The following ANKRD6 variants were observed in gnomAD, a reference collection of about 807,000 sequenced individuals.
ANKRD6 encodes ankyrin repeat domain-containing protein 6.
In ANKRD6, 56 loss-of-function variants were observed where a neutral mutation model predicts 82.3. That is an observed-to-expected ratio of 0.68 (90% CI 0.55 to 0.85). The LOEUF is 0.85. ANKRD6 is among the 40% of genes least tolerant of loss of function. The pLI, the probability that ANKRD6 is intolerant of heterozygous loss-of-function variation, is 0.00. For synonymous variants in ANKRD6, 347 were observed against 352.1 expected (o/e 0.99, Z 0.16); for missense variants, 852 against 907.6 (o/e 0.94, Z 0.79).
chr6:89,568,923 A>G (rs938844289), intron 2 of ANKRD6, among the ~76,000 whole-genome samples: 3 of 144,012 alleles, frequency 2.1e-5, no homozygotes, highest in Admixed American at 6.9e-5. Flanking sequence ...AAAATTTTAT[A>G]TATATATAAT....
intron 1 of ANKRD6, among the ~76,000 whole-genome samples, chr6:89,459,894 T>C (rs1340507116): frequency 6.6e-6 from 1 of 152,110 alleles, no homozygotes; most frequent in Non-Finnish European, 1.5e-5. Flanking sequence ...GCTTAATTAT[T>C]ATGGACAAAG....
intron 1 of ANKRD6, among the ~76,000 whole-genome samples, chr6:89,488,900 A>G (rs189107480): frequency 6.6e-6 from 1 of 151,678 alleles, no homozygotes; most frequent in South Asian, 2.1e-4. Flanking sequence ...ATTCTATTCT[A>G]TTCTATTCTA....
chr6:89,481,697 C>T (rs1776830422), intron 1 of ANKRD6, among the ~76,000 whole-genome samples: 1 of 135,536 alleles, frequency 7.4e-6, no homozygotes, highest in South Asian at 2.3e-4. Context: ...GTGCTGCTTG[C>T]AGTAGTGGTA....
At chr6:89,544,473 T>TG (rs1167621884) in intron 1 of ANKRD6, among the ~76,000 whole-genome samples, 1 of 151,266 alleles carries the variant, frequency 6.6e-6, no homozygotes, top group South Asian at 2.1e-4. Context: ...CCCAGCACTT[T>TG]GGAGGCCAAG....
chr6:89,622,340 G>A (rs1416526005), intron 10 of ANKRD6, among the ~76,000 whole-genome samples: 1 of 152,194 alleles, frequency 6.6e-6, no homozygotes, highest in Non-Finnish European at 1.5e-5. Context: ...CTAACACCAT[G>A]CCCAGATTGT....
In ANKRD6 at chr6:89,496,914, A is replaced by G. The variant is rs961502906; in HGVS notation, c.-144+63539A>G. ...AACACTCACCTTTATTGTTTAATAG[A>G]GCATCTGAGAATATTGATGAAAAAT... On this transcript the variant is annotated intron_variant, in intron 1 of 15. Coordinates refer to ENST00000339746, the MANE Select transcript of ANKRD6 (RefSeq NM_001242809.2). Among the ~76,000 whole-genome samples, 54 of 152,208 alleles carry G rather than the reference A, an allele frequency of 3.5e-4. 1 individual carries two copies. Among genetic ancestry groups the G allele is most frequent in the African/African-American group, 1.3e-3 (53 of 41,454 alleles).
At chr6:89,517,309 C>T (rs1045744911) in intron 1 of ANKRD6, among the ~76,000 whole-genome samples, 7 of 152,128 alleles carry the variant, frequency 4.6e-5, no homozygotes, top group Non-Finnish European at 8.8e-5. Context: ...TGCATTGTTT[C>T]TAGATTTTAA....
At chr6:89,551,701 A>G (rs1361954180) in intron 1 of ANKRD6, among the ~76,000 whole-genome samples, 1 of 152,152 alleles carries the variant, frequency 6.6e-6, no homozygotes, top group Non-Finnish European at 1.5e-5. Context: ...GGGACTATTC[A>G]CAGAAGAGTC....
At chr6:89,531,368 A>C (rs1426620154) in intron 1 of ANKRD6, among the ~76,000 whole-genome samples, 2 of 152,246 alleles carry the variant, frequency 1.3e-5, no homozygotes. Context: ...TCCTTGAAGG[A>C]AGTTTATAGA....
intron 1 of ANKRD6, among the ~76,000 whole-genome samples, chr6:89,554,442 A>T (rs1583249378): frequency 3.8e-5 from 1 of 26,284 alleles, no homozygotes; most frequent in East Asian, 1.5e-3. Context: ...TAACTTAATC[A>T]CGTCTTTTTT....
intron 1 of ANKRD6, among the ~76,000 whole-genome samples, chr6:89,529,661 A>G (rs902624724): frequency 3.9e-5 from 6 of 152,220 alleles, no homozygotes; most frequent in Admixed American, 3.9e-4. Flanking sequence ...TTCATTAAGT[A>G]TAATCATTTC....
At chr6:89,621,811 A>T (rs1286192634) in intron 9 of ANKRD6, 111 bp from the exon 10 acceptor site, 1 of 1,045,078 alleles carries the variant, frequency 9.6e-7, no homozygotes, top group Non-Finnish European at 1.5e-6. Context: ...ACCTGCTCTC[A>T]CCCTCTAAGC....
intron 1 of ANKRD6, among the ~76,000 whole-genome samples, chr6:89,495,027 G>A (rs1778433629): frequency 6.6e-6 from 1 of 152,150 alleles, no homozygotes; most frequent in Admixed American, 6.5e-5. Context: ...AAGGTCAGGA[G>A]ATCGAGACCA....
At chr6:89,471,472 A>G (rs1210267495) in intron 1 of ANKRD6, among the ~76,000 whole-genome samples, 2 of 151,944 alleles carry the variant, frequency 1.3e-5, no homozygotes, top group Non-Finnish European at 2.9e-5. Flanking sequence ...CTAGAGAGTA[A>G]GTATATATAG....
chr6:89,569,034 C>T, intron 2 of ANKRD6, among the ~76,000 whole-genome samples: 1 of 151,812 alleles, frequency 6.6e-6, no homozygotes, highest in Non-Finnish European at 1.5e-5. Flanking sequence ...GTGCCTCAGC[C>T]TCCCATGTAG....
chr6:89,632,017 T>A lies in ANKRD6; in HGVS notation c.*1013T>A, dbSNP rs1393848300. 2.6e-5 allele frequency: 4 copies of A among 152,216 alleles called. No individual in the cohort carries two copies. Among genetic ancestry groups the A allele is most frequent in the Non-Finnish European group, 4.4e-5 (3 of 68,042 alleles). The allele number at this position is 152,216 out of a possible 1,614,324, so 9.4% of individuals were successfully genotyped here. A position where few individuals can be genotyped will look rare whatever the true frequency, so the allele number is the denominator to read the frequency against. ...TTCATGGAGGCCAGAAGACTTTACTTTGTTCCATAATGAAATATAAACACA... is the reference window on the plus strand; with the variant it reads ...TTCATGGAGGCCAGAAGACTTTACTATGTTCCATAATGAAATATAAACACA... On this transcript the variant is annotated 3_prime_UTR_variant, in exon 16 of 16. Coordinates refer to ENST00000339746, the MANE Select transcript of ANKRD6 (RefSeq NM_001242809.2).
chr6:89,625,681 G>GT (rs1805399817), intron 13 of ANKRD6, among the ~76,000 whole-genome samples: 1 of 150,584 alleles, frequency 6.6e-6, no homozygotes, highest in Admixed American at 6.6e-5. Flanking sequence ...CTGAGAAAAC[G>GT]TTATCCAGCC....
At chr6:89,562,708 T>G (rs1787639637) in intron 1 of ANKRD6, 1 of 152,116 alleles carries the variant, frequency 6.6e-6, no homozygotes, top group African/African-American at 2.4e-5. Flanking sequence ...CTTAATAAGC[T>G]TTTAGATGTG....
At chr6:89,498,453 TG>T (rs1363958554) in intron 1 of ANKRD6, among the ~76,000 whole-genome samples, 2 of 152,186 alleles carry the variant, frequency 1.3e-5, no homozygotes, top group African/African-American at 4.8e-5. Flanking sequence ...CTGCTAGGTC[TG>T]TAATATATAA....
Sources: allele counts gnomAD v4.1 joint callset (sites outside exome capture counted in the v4.1 genomes callset), GRCh38; gene constraint gnomAD v4.1.1; transcripts MANE v1.5; gene names NCBI Gene and HGNC (gene_info 2026-07-23, HGNC 2026-07-21).